Variants in MCM2 observed in about 807,000 individuals in gnomAD.
The protein encoded by MCM2 is minichromosome maintenance complex component 2, also known as DNA replication licensing factor MCM2.
In MCM2, 49 loss-of-function variants were observed where a neutral mutation model predicts 86.4. That is an observed-to-expected ratio of 0.57 (90% CI 0.45 to 0.72). MCM2 has a LOEUF of 0.72. MCM2 is among the 30% of genes least tolerant of loss of function. MCM2 has a pLI of 0.00. For missense variants in MCM2, 1,038 were observed against 1,259.9 expected, an observed-to-expected ratio of 0.82 and a Z score of 2.67; for synonymous variants, 475 against 484.6, an observed-to-expected ratio of 0.98 and a Z score of 0.26.
intron 2 of MCM2, among the ~76,000 whole-genome samples, chr3:127,602,788 T>C (rs978427220): frequency 6.6e-6 from 1 of 152,202 alleles, no homozygotes; most frequent in Non-Finnish European, 1.5e-5. Context: ...TGACTGTGCA[T>C]GGAAGCCAGG....
At chr3:127,613,585 G>A (rs894379155) in intron 8 of MCM2, among the ~76,000 whole-genome samples, 4 of 152,240 alleles carry the variant, frequency 2.6e-5, no homozygotes, top group African/African-American at 9.6e-5. Flanking sequence ...CATGCTCCCA[G>A]TGACTGTATT....
chr3:127,611,021 T>A (rs1221781243), intron 8 of MCM2: 3 of 450,420 alleles, frequency 6.7e-6, no homozygotes, highest in Non-Finnish European at 1.3e-5. Flanking sequence ...CCCTCAGAGC[T>A]CATATTTTAC....
At chr3:127,603,460 C>T (rs1460106413) in intron 2 of MCM2, among the ~76,000 whole-genome samples, 2 of 151,802 alleles carry the variant, frequency 1.3e-5, no homozygotes, top group African/African-American at 4.8e-5. Context: ...CCGCACCCAG[C>T]CCTTTTGTTT....
At chr3:127,616,163 C>T (rs889658554) in intron 9 of MCM2, among the ~76,000 whole-genome samples, 2 of 152,212 alleles carry the variant, frequency 1.3e-5, no homozygotes, top group African/African-American at 2.4e-5. Context: ...GTCAGGGAGC[C>T]AGTGTCTGCC....
In MCM2 at chr3:127,604,877, G is replaced by A. The variant is rs1224036029; in HGVS notation, c.413-19G>A. On this transcript the variant is annotated intron_variant, in intron 3 of 15. Transcript: ENST00000265056. ...GTGCTGGGGATGACCGCAGTAGCAG[G>A]TGTCTCTTGCCTCCCCAGACAGCGA... The A allele has an allele frequency of 1.3e-6, 2 of 1,599,568 alleles. No individual in the cohort carries two copies. The highest frequency in any genetic ancestry group is 2.3e-5 in the East Asian group (1 of 44,296).
rs373148451 is a variant in MCM2 at position 127,598,429 on chromosome 3, G to A, written c.-38G>A. 9 of 1,613,372 alleles carry A rather than the reference G, an allele frequency of 5.6e-6. No individual in the cohort carries two copies. The African/African-American group carries it at 8.0e-5, about 14-fold the overall frequency. On this transcript the variant is annotated 5_prime_UTR_variant, in exon 1 of 16. Transcript: ENST00000265056. ...TGAACCACTTTTCGCGCGAAACCTG[G>A]TTGTTGCTGTAGTGGCGGAGAGGAT...
Position 127,618,147 on chromosome 3 carries a change from C to T in MCM2, c.2013+66C>T. 1 of 1,306,400 alleles carries T rather than the reference C, an allele frequency of 7.7e-7. No homozygotes were observed. The highest frequency in any genetic ancestry group is 1.1e-6 in the Non-Finnish European group (1 of 910,776). 80.9% of individuals were successfully genotyped at this position (1,306,400 alleles called of 1,614,324 possible). A position where few individuals can be genotyped will look rare whatever the true frequency, so the allele number is the denominator to read the frequency against. On this transcript the variant is annotated intron_variant, in intron 12 of 15. Coordinates refer to ENST00000265056, the MANE Select transcript of MCM2 (RefSeq NM_004526.4). This position sits in a 1 kb window ranked among gnomAD's most constrained non-coding sequence, Gnocchi z 4.0. Reference sequence around the variant, plus strand: ...GGGGACCTCAGGTGAGGCTTGGGGTCATACAGTGTGCCCAACACAGGGGAC... The same window carrying T: ...GGGGACCTCAGGTGAGGCTTGGGGTTATACAGTGTGCCCAACACAGGGGAC...
At chr3:127,599,256 A>G in intron 1 of MCM2, 62 bp from the exon 2 acceptor site, 2 of 1,411,656 alleles carry the variant, frequency 1.4e-6, no homozygotes, top group Admixed American at 1.7e-5. Context: ...GATGGTAAAA[A>G]GGAAGCTGTA....
In MCM2 at chr3:127,599,383, C is replaced by T. The variant is rs1242541059; in HGVS notation, c.72C>T (p.Leu24=). ...AGCGTCGGCGAGGCAATGATCCTCT[C>T]ACCTCCAGCCCTGGCCGAAGCTCCC... ...PAQRRRGNDP[L]TSSPGRSSRR... is the part of the protein sequence containing the mutation. Residue 24 remains leucine, a synonymous_variant, in exon 2 of 16, where the codon CTC becomes CTT. Coordinates refer to ENST00000265056, the MANE Select transcript of MCM2 (RefSeq NM_004526.4). The T allele has an allele frequency of 1.2e-6, 2 of 1,614,178 alleles. No homozygotes were observed. The highest frequency in any genetic ancestry group is 2.2e-5 in the East Asian group (1 of 44,890).
intron 9 of MCM2, 64 bp from the exon 10 acceptor site, chr3:127,616,804 A>G: frequency 5.8e-6 from 9 of 1,552,790 alleles, no homozygotes; most frequent in African/African-American, 1.4e-5. Flanking sequence ...TGGGGGATGC[A>G]ACTGTGCCCT....
In MCM2 at chr3:127,606,493, G is replaced by C; in HGVS notation, c.894-117G>C. 1 of 1,196,124 alleles carries C rather than the reference G, an allele frequency of 8.4e-7. No individual in the cohort carries two copies. The highest frequency in any genetic ancestry group is 2.0e-5 in the Admixed American group (1 of 50,774). The allele number at this position is 1,196,124 out of a possible 1,614,324, so 74.1% of individuals were successfully genotyped here. A position where few individuals can be genotyped will look rare whatever the true frequency, so the allele number is the denominator to read the frequency against. Reference sequence around the variant, plus strand: ...TGGTTGCACAGGAGTGTGATGGGAGGGATCTTCCCGGGCTGGGGGCTGGGC... The same window carrying C: ...TGGTTGCACAGGAGTGTGATGGGAGCGATCTTCCCGGGCTGGGGGCTGGGC... On this transcript the variant is annotated intron_variant, in intron 5 of 15. Transcript: ENST00000265056. This position sits in a 1 kb window ranked among gnomAD's most constrained non-coding sequence, Gnocchi z 4.2.
In MCM2 at chr3:127,618,649, T is replaced by TC. The variant is rs17538704; in HGVS notation, c.2014-377dup. On this transcript the variant is annotated intron_variant, in intron 12 of 15. Transcript: ENST00000265056. The surrounding 1 kb of genome is among the most constrained non-coding windows in gnomAD (Gnocchi z 4.0). ...TCCTGGCAGACGCTCTCCCACACTG[T>TC]CACATGACTTGCATCTCATTGTCGT... Among the ~76,000 whole-genome samples the TC allele has an allele frequency of 5.1e-3, 784 of 152,288 alleles. 6 individuals are homozygous for TC. The highest frequency in any genetic ancestry group is 0.017 in the African/African-American group (714 of 41,566).
Position 127,606,523 on chromosome 3 carries a change from T to A in MCM2, c.894-87T>A. The A allele has an allele frequency of 7.3e-7, 1 of 1,372,778 alleles. No homozygotes were observed. Among genetic ancestry groups the A allele is most frequent in the Admixed American group, 1.8e-5 (1 of 55,662 alleles). 85.0% of individuals were successfully genotyped at this position (1,372,778 alleles called of 1,614,324 possible). ...TTCCCGGGCTGGGGGCTGGGCCCAA[T>A]TTCCAGGACAGTGTGTTGGGACACT... On this transcript the variant is annotated intron_variant, in intron 5 of 15. Coordinates refer to ENST00000265056, the MANE Select transcript of MCM2 (RefSeq NM_004526.4). The surrounding 1 kb of genome is among the most constrained non-coding windows in gnomAD (Gnocchi z 4.2).
Position 127,606,369 on chromosome 3 carries a change from C to G in MCM2, c.893+32C>G. 1 of 1,604,292 alleles carries G rather than the reference C, an allele frequency of 6.2e-7. No individual in the cohort carries two copies. Reference sequence around the variant, plus strand: ...TGAGGGCAGGTGAGGATGGCAGGTCCGAGCTCAGTGCTGGGTGACTCGGTC... The same window carrying G: ...TGAGGGCAGGTGAGGATGGCAGGTCGGAGCTCAGTGCTGGGTGACTCGGTC... On this transcript the variant is annotated intron_variant, in intron 5 of 15. Coordinates refer to ENST00000265056, the MANE Select transcript of MCM2 (RefSeq NM_004526.4). The surrounding 1 kb of genome is among the most constrained non-coding windows in gnomAD (Gnocchi z 4.2).
chr3:127,612,293 A>G (rs1379084699), intron 8 of MCM2, among the ~76,000 whole-genome samples: 1 of 152,240 alleles, frequency 6.6e-6, no homozygotes, highest in Non-Finnish European at 1.5e-5. Context: ...GTCATGCCCA[A>G]CACTTAGAGA....
At chr3:127,600,394 C>T (rs1327346050) in intron 2 of MCM2, among the ~76,000 whole-genome samples, 2 of 152,232 alleles carry the variant, frequency 1.3e-5, no homozygotes, top group Non-Finnish European at 2.9e-5. Context: ...TTTCCAGCTG[C>T]GATCTGGTAG....
intron 15 of MCM2, 133 bp downstream of exon 15, chr3:127,621,361 A>T: frequency 9.6e-7 from 1 of 1,042,046 alleles, no homozygotes; most frequent in Non-Finnish European, 1.4e-6. Context: ...GAATGCTTAC[A>T]GTCTGTTGAG....
At position 127,615,842 on chromosome 3, in the gene MCM2, G is replaced by C. The variant is rs777340253; in HGVS notation, c.1429-20G>C. 1.9e-6 allele frequency: 3 copies of C among 1,579,356 alleles called. No individual in the cohort carries two copies. In the East Asian group the frequency reaches 6.7e-5, roughly 35 times the overall value. ...GTGAGTATCTGTTCCCATTCTTGTC[G>C]GTCTCCCTCCCTTTCTCAGATCTTT... is the stretch of plus-strand genomic sequence containing the variant. On this transcript the variant is annotated intron_variant, in intron 8 of 15. Transcript: ENST00000265056.
intron 6 of MCM2, among the ~76,000 whole-genome samples, chr3:127,608,093 C>T (rs1049729675): frequency 2.6e-5 from 4 of 152,208 alleles, no homozygotes; most frequent in Admixed American, 6.5e-5. Context: ...AGCTTAGACA[C>T]AGAACCCAGG....
Sources: gnomAD v4.1 joint callset for allele counts (sites outside exome capture counted in the v4.1 genomes callset) on GRCh38, gnomAD v4.1.1 for gene constraint, Gnocchi (gnomAD v3.1) non-coding constraint, MANE v1.5 for transcripts, NCBI Gene and HGNC (gene_info 2026-07-23, HGNC 2026-07-21) for gene names.